The following MRPL49 variants were observed in gnomAD, a reference collection of about 807,000 sequenced individuals.
MRPL49 encodes mitochondrial ribosomal protein L49.
MRPL49 carries 14 observed loss-of-function variants against 18.4 expected under a neutral mutation model. The observed-to-expected ratio is 0.76, with a 90% CI of 0.50 to 1.19. MRPL49 has a LOEUF of 1.19. MRPL49 is among the 50% of genes most tolerant of loss of function. The probability of loss-of-function intolerance (pLI) is 0.00; values close to 1 mark genes in which losing one functional copy is unlikely to be tolerated. For missense variants in MRPL49, 190 were observed against 217.8 expected, an observed-to-expected ratio of 0.87 and a Z score of 0.80; for synonymous variants, 104 against 86.2, an observed-to-expected ratio of 1.21 and a Z score of -1.14.
intron 1 of MRPL49, among the ~76,000 whole-genome samples, chr11:65,122,994 C>CA (rs1487993598): frequency 1.3e-5 from 2 of 152,180 alleles, no homozygotes; most frequent in African/African-American, 4.8e-5. Flanking sequence ...GCTGGGATTA[C>CA]AGGCATGAGC....
Position 65,122,387 on chromosome 11 carries a change from G to C in MRPL49, c.41G>C (p.Arg14Thr). 5.0e-6 allele frequency: 8 copies of C among 1,613,384 alleles called. No individual in the cohort carries two copies. Among genetic ancestry groups the C allele is most frequent in the African/African-American group, 1.3e-5 (1 of 75,062 alleles). Reference sequence around the variant, plus strand: ...TTCCGGGCTACGCTGCGGGGATGGAGAACCGGTGTCCAGCGGGGCTGCGGG... The same window carrying C: ...TTCCGGGCTACGCTGCGGGGATGGACAACCGGTGTCCAGCGGGGCTGCGGG... The part of the protein sequence containing the change: ...TMFRATLRGW[R>T]TGVQRGCGLR... Residue 14 changes from arginine to threonine, a missense_variant, in exon 1 of 4, where the codon AGA becomes ACA. Arg to Thr is a moderately conservative substitution (Grantham distance 71). Coordinates refer to ENST00000279242, the MANE Select transcript of MRPL49 (RefSeq NM_004927.4).
In MRPL49 at chr11:65,125,490, C is replaced by T. The variant is rs2137225835; in HGVS notation, c.232C>T (p.Pro78Ser). ...TPSGWQPPRD[P>S]PPNLPYFVRR... ...AACAGTGTCTTTCCCTGTTGCAGAC[C>T]CCCCACCCAACCTGCCTTACTTTGT... Residue 78 changes from proline to serine, a missense_variant and splice_region_variant, in exon 3 of 4, where the codon CCC (proline) becomes TCC (serine). Transcript: ENST00000279242. The T allele has an allele frequency of 6.2e-7, 1 of 1,613,620 alleles. No individual in the cohort carries two copies. The highest frequency in any genetic ancestry group is 8.5e-7 in the Non-Finnish European group (1 of 1,179,842).
At position 65,125,958 on chromosome 11, in the gene MRPL49, C is replaced by G; in HGVS notation, c.*86C>G. 2 of 1,483,848 alleles carry G rather than the reference C, an allele frequency of 1.3e-6. No individual in the cohort carries two copies. Among genetic ancestry groups the G allele is most frequent in the Non-Finnish European group, 1.8e-6 (2 of 1,105,010 alleles). 91.9% of individuals were successfully genotyped at this position (1,483,848 alleles called of 1,614,324 possible). On this transcript the variant is annotated 3_prime_UTR_variant, in exon 4 of 4. Coordinates refer to ENST00000279242, the MANE Select transcript of MRPL49 (RefSeq NM_004927.4). ...GAGGAGGGAGGTGGGTGTTGGAGCC[C>G]CTGAGACAGGGGATACAGAAACTAG...
chr11:65,122,712 C>A (rs1242201071), intron 1 of MRPL49, among the ~76,000 whole-genome samples: 1 of 145,096 alleles, frequency 6.9e-6, no homozygotes, highest in East Asian at 2.1e-4. Flanking sequence ...ATTATGATTG[C>A]CTTAATTCTT....
intron 1 of MRPL49, among the ~76,000 whole-genome samples, chr11:65,123,943 A>G (rs1223134861): frequency 1.3e-5 from 2 of 151,928 alleles, no homozygotes; most frequent in African/African-American, 4.8e-5. Context: ...GCTGGAGTGC[A>G]ATGGTGCGAT....
intron 1 of MRPL49, among the ~76,000 whole-genome samples, chr11:65,123,131 C>G (rs371236178): frequency 3.3e-5 from 5 of 152,300 alleles, no homozygotes; most frequent in South Asian, 2.1e-4. Flanking sequence ...AACAAGGCCA[C>G]GCTGCCAATA....
chr11:65,125,340 G>A, intron 2 of MRPL49, 148 bp from the exon 3 acceptor site: 1 of 985,850 alleles, frequency 1.0e-6, no homozygotes, highest in Non-Finnish European at 1.5e-6. Flanking sequence ...CCAAGCTGAA[G>A]GAAAGAGGAG....
Position 65,126,322 on chromosome 11 carries a change from A to T in MRPL49, c.*450A>T, listed in dbSNP as rs1948101704. The T allele has an allele frequency of 6.4e-6, 1 of 155,212 alleles. No homozygotes were observed. The highest frequency in any genetic ancestry group is 2.4e-5 in the African/African-American group (1 of 41,450). The allele number at this position is 155,212 out of a possible 1,614,324, so 9.6% of individuals were successfully genotyped here. The stretch of plus-strand genomic sequence containing the variant: ...GCTAATTTTTGTATTTTTAGTAGAG[A>T]TGGGGTTTCACCATGTTGGCCAGGC... On this transcript the variant is annotated 3_prime_UTR_variant, in exon 4 of 4. Coordinates refer to ENST00000279242, the MANE Select transcript of MRPL49 (RefSeq NM_004927.4).
At chr11:65,124,857 A>G (rs766058248) in intron 2 of MRPL49, 23 of 534,524 alleles carry the variant, frequency 4.3e-5, no homozygotes, top group Non-Finnish European at 7.1e-5. Flanking sequence ...CATCCACACT[A>G]TTGAGATCAG....
chr11:65,122,278 A>C (rs988064282), upstream of MRPL49: 2 of 1,555,232 alleles, frequency 1.3e-6, no homozygotes, highest in African/African-American at 2.7e-5. Context: ...CTGCCTGGGC[A>C]GGCAGCTCGC....
chr11:65,125,728 C>A lies in MRPL49; in HGVS notation c.357C>A (p.Ala119=). The change falls in exon 4 of 4, where the codon GCC becomes GCA. Residue 119 remains alanine (A), a splice_region_variant and synonymous_variant. Transcript: ENST00000279242. ...VIRKVEGDIW[A]LQKDVEDFLS... is the part of the protein sequence containing the mutation. ...CCTGATTTGTCATCTTTCCCCAGGC[C>A]CTGCAGAAAGACGTGGAAGATTTTC... The A allele has an allele frequency of 6.2e-7, 1 of 1,613,758 alleles. No homozygotes were observed. The highest frequency in any genetic ancestry group is 8.5e-7 in the Non-Finnish European group (1 of 1,179,868).
chr11:65,124,750 G>A (rs1948084399), intron 2 of MRPL49, 98 bp downstream of exon 2: 2 of 1,367,086 alleles, frequency 1.5e-6, no homozygotes, highest in African/African-American at 1.5e-5. Flanking sequence ...TCTCCAGTGG[G>A]TTCAGGACTC....
chr11:65,124,379 T>C (rs910340844), intron 1 of MRPL49, 123 bp from the exon 2 acceptor site: 3 of 992,716 alleles, frequency 3.0e-6, no homozygotes. Context: ...TTTCACACCG[T>C]CGCCCAGCCT....
chr11:65,125,148 CTT>C, intron 2 of MRPL49: 1 of 367,688 alleles, frequency 2.7e-6, no homozygotes, highest in East Asian at 6.5e-5. Context: ...ATCCCAATCT[CTT>C]TGTTCCAGAG....
In MRPL49 at chr11:65,127,049, TC is replaced by T. The variant is rs1181686625; in HGVS notation, c.*1181del. On this transcript the variant is annotated 3_prime_UTR_variant, in exon 4 of 4. Coordinates refer to ENST00000279242, the MANE Select transcript of MRPL49 (RefSeq NM_004927.4). ...GCTAAGACAGCTTTCAGTTCCTGAC[TC>T]CCCAACTTGGTCTCTGCCCTGAAGC... is the stretch of plus-strand genomic sequence containing the variant. 1 of 702,418 alleles carries T rather than the reference TC, an allele frequency of 1.4e-6. No homozygotes were observed. The highest frequency in any genetic ancestry group is 2.7e-5 in the East Asian group (1 of 37,262). 43.5% of individuals were successfully genotyped at this position (702,418 alleles called of 1,614,324 possible). A position where few individuals can be genotyped will look rare whatever the true frequency, so the allele number is the denominator to read the frequency against.
chr11:65,122,501 C>G lies in MRPL49; in HGVS notation c.78+77C>G, dbSNP rs768255668. On this transcript the variant is annotated intron_variant, in intron 1 of 3. Transcript: ENST00000279242. Reference sequence around the variant, plus strand: ...TGTTAATCATTGTTAACCCCGAAAACTAAGGCATTCCTACTTGGGGCCTTA... The same window carrying G: ...TGTTAATCATTGTTAACCCCGAAAAGTAAGGCATTCCTACTTGGGGCCTTA... 2.2e-6 allele frequency: 3 copies of G among 1,386,496 alleles called. No individual in the cohort carries two copies. In the South Asian group the frequency reaches 3.7e-5, roughly 17 times the overall value. 85.9% of individuals were successfully genotyped at this position (1,386,496 alleles called of 1,614,324 possible). A position where few individuals can be genotyped will look rare whatever the true frequency, so the allele number is the denominator to read the frequency against.
chr11:65,123,859 G>A (rs1185856859), intron 1 of MRPL49, among the ~76,000 whole-genome samples: 1 of 152,226 alleles, frequency 6.6e-6, no homozygotes. Context: ...ACAGGCAGTT[G>A]TTGGACAGAT....
intron 1 of MRPL49, among the ~76,000 whole-genome samples, chr11:65,124,226 C>T (rs1343546090): frequency 1.3e-5 from 2 of 152,170 alleles, no homozygotes; most frequent in Non-Finnish European, 2.9e-5. Context: ...GGCCTTTGTG[C>T]AAGGCTGTGG....
At chr11:65,124,901 G>A (rs117529295) in intron 2 of MRPL49, 7 of 417,100 alleles carry the variant, frequency 1.7e-5, no homozygotes, top group African/African-American at 4.0e-5. Flanking sequence ...AAACAACAGA[G>A]AGAAAACCCA....
Sources: gnomAD v4.1 joint callset for allele counts (sites outside exome capture counted in the v4.1 genomes callset) on GRCh38, gnomAD v4.1.1 for gene constraint, MANE v1.5 for transcripts, NCBI Gene and HGNC (gene_info 2026-07-23, HGNC 2026-07-21) for gene names.